The following DACT3 variants were observed in gnomAD, a reference collection of about 807,000 sequenced individuals.
DACT3 encodes dishevelled binding antagonist of beta catenin 3.
A neutral mutation model predicts 19.6 loss-of-function variants in DACT3; 5 were observed. That is an observed-to-expected ratio of 0.26 (90% CI 0.13 to 0.54). DACT3 has a LOEUF of 0.54. Ranked by LOEUF, DACT3 falls within the 20% of genes least tolerant of loss-of-function variation. The probability of loss-of-function intolerance (pLI) is 0.95; values close to 1 mark genes in which losing one functional copy is unlikely to be tolerated. For synonymous variants in DACT3, 454 were observed against 428.1 expected, an observed-to-expected ratio of 1.06 and a Z score of -0.75; for missense variants, 908 against 927.4, an observed-to-expected ratio of 0.98 and a Z score of 0.27.
At position 46,653,024 on chromosome 19, in the gene DACT3, T is replaced by C. The variant is rs2053002271; in HGVS notation, c.301A>G (p.Ser101Gly). The C allele has an allele frequency of 1.3e-6, 2 of 1,551,334 alleles. No homozygotes were observed. Among genetic ancestry groups the C allele is most frequent in the Admixed American group, 2.0e-5 (1 of 50,950 alleles). Residue 101 changes from serine to glycine, a missense_variant, in exon 2 of 4, where the codon AGC becomes GGC. Physicochemically the swap from Ser to Gly is moderately conservative, Grantham distance 56. Around this residue, in one of 2 missense-constraint regions of DACT3, gnomAD observed 252 missense variants for 325.6 expected, o/e 0.77. Transcript: ENST00000391916. ...WDLGQQLGDL[S>G]LESGGLEQES... is the part of the protein sequence containing the mutation. ...TGTTCCAGGCCCCCAGACTCCAGGC[T>C]CAGGTCTCCCAGCTGCTGTCCCAGG...
At position 46,649,382 on chromosome 19, in the gene DACT3, C is replaced by G. The variant is rs2052955583; in HGVS notation, c.990G>C (p.Ser330=). Residue 330 remains serine, a synonymous_variant, in exon 4 of 4, where the codon TCG becomes TCC. Coordinates refer to ENST00000391916, the MANE Select transcript of DACT3 (RefSeq NM_145056.3). ...LSRAWASSWE[S]EAAPEPAAPP... ...GCGCAGCGGGCTCGGGTGCCGCCTC[C>G]GACTCCCACGACGACGCCCAGGCGC... 20 of 1,279,424 alleles carry G rather than the reference C, an allele frequency of 1.6e-5. No homozygotes were observed. The highest frequency in any genetic ancestry group is 1.7e-5 in the Non-Finnish European group (17 of 1,005,428). 79.3% of individuals were successfully genotyped at this position (1,279,424 alleles called of 1,614,324 possible).
In DACT3 at chr19:46,660,641, C is replaced by G. The variant is rs902519424; in HGVS notation, c.249+175G>C. On this transcript the variant is annotated intron_variant, in intron 1 of 3. Coordinates refer to ENST00000391916, the MANE Select transcript of DACT3 (RefSeq NM_145056.3). This position sits in a 1 kb window ranked among gnomAD's most constrained non-coding sequence, Gnocchi z 4.9. ...AGTTCCCCCTCCCCCGATTTGGGGG[C>G]GGGGAGGCCAGGTCCGGCCCGCCGC... is the stretch of plus-strand genomic sequence containing the variant. 4.6e-5 allele frequency among the ~76,000 whole-genome samples: 7 copies of G among 152,220 alleles called. No homozygotes were observed. In the South Asian group the frequency reaches 8.3e-4, roughly 18 times the overall value.
Position 46,648,781 on chromosome 19 carries a change from G to GC in DACT3, c.1590dup (p.Pro531AlafsTer167). ...CCCGCAGGCCCCCGGCGTCCCAGGG[G>GC]CCCCAGGCGCCCAGCCGAGCACTCG... is the stretch of plus-strand genomic sequence containing the variant. On this transcript the variant is annotated frameshift_variant, in exon 4 of 4. Transcript: ENST00000391916. LOFTEE classifies it low-confidence loss of function (END_TRUNC). The surrounding 1 kb of genome is among the most constrained non-coding windows in gnomAD (Gnocchi z 5.1). 6.5e-7 allele frequency: 1 copy of GC among 1,547,452 alleles called. No individual in the cohort carries two copies.
rs1469066688 is a variant in DACT3 at position 46,648,717 on chromosome 19, GCGCTCGATT to G, written c.1646_1654del (p.Glu549_Ser551del). ...GAAGGCAGGCGATTCTCCCTCGCTG[GCGCTCGATT>G]CGCTCTCCCCGTAACCCCCGCCGAC... On this transcript the variant is annotated inframe_deletion, in exon 4 of 4. Coordinates refer to ENST00000391916, the MANE Select transcript of DACT3 (RefSeq NM_145056.3). This position sits in a 1 kb window ranked among gnomAD's most constrained non-coding sequence, Gnocchi z 5.1. 6.2e-7 allele frequency: 1 copy of G among 1,606,058 alleles called. No homozygotes were observed. Among genetic ancestry groups the G allele is most frequent in the African/African-American group, 1.3e-5 (1 of 74,878 alleles).
chr19:46,653,154 G>A, intron 1 of DACT3, 79 bp from the exon 2 acceptor site: 1 of 1,523,694 alleles, frequency 6.6e-7, no homozygotes, highest in Non-Finnish European at 8.8e-7. Flanking sequence ...CGAGCTCATG[G>A]GCAGAGTTTC....
At chr19:46,655,970 CACACATATATAT>C (rs2053031106) in intron 1 of DACT3, among the ~76,000 whole-genome samples, 1 of 149,972 alleles carries the variant, frequency 6.7e-6, no homozygotes, top group African/African-American at 2.4e-5. Context: ...TATATATATA[CACACATATATAT>C]ACACATATAT....
chr19:46,649,887 C>T lies in DACT3; in HGVS notation c.500-15G>A. On this transcript the variant is annotated splice_polypyrimidine_tract_variant and intron_variant, in intron 3 of 3. Transcript: ENST00000391916. ...ACTGGCGTCTCCTAGGGAAGGAAGG[C>T]CAAAAAAAAAAAAAAAAGAGAGAGT... 8.1e-7 allele frequency: 1 copy of T among 1,240,508 alleles called. No homozygotes were observed. The highest frequency in any genetic ancestry group is 9.9e-7 in the Non-Finnish European group (1 of 1,011,512). The allele number at this position is 1,240,508 out of a possible 1,614,324, so 76.8% of individuals were successfully genotyped here.
chr19:46,659,517 C>T, intron 1 of DACT3: 1 of 981,392 alleles, frequency 1.0e-6, no homozygotes. Context: ...CCCCACAATC[C>T]GTCTCTAACT....
rs781409294 is a variant in DACT3, at chr19:46,648,578, G to A, written c.1794C>T (p.Pro598=). 1 of 1,613,688 alleles carries A rather than the reference G, an allele frequency of 6.2e-7. No homozygotes were observed. Among genetic ancestry groups the A allele is most frequent in the Non-Finnish European group, 8.5e-7 (1 of 1,179,786 alleles). The change falls in exon 4 of 4, where the codon CCC becomes CCT. Residue 598 remains proline, a synonymous_variant. Transcript: ENST00000391916. The surrounding 1 kb of genome is among the most constrained non-coding windows in gnomAD (Gnocchi z 5.1). ...GGAGAGAPAG[P]AKVFVKIKAS... ...CTTTGATTTTCACGAAGACTTTGGC[G>A]GGGCCTGCGGGCGCCCCTGCACCTG...
intron 1 of DACT3, among the ~76,000 whole-genome samples, chr19:46,657,504 C>G: frequency 6.6e-6 from 1 of 151,566 alleles, no homozygotes; most frequent in Non-Finnish European, 1.5e-5. Context: ...CAGGTGCCCG[C>G]CACCACGCCC....
rs2053069420 is a variant in DACT3 at position 46,660,770 on chromosome 19, A to ATGTTG, written c.249+45_249+46insCAACA. On this transcript the variant is annotated intron_variant, in intron 1 of 3. Coordinates refer to ENST00000391916, the MANE Select transcript of DACT3 (RefSeq NM_145056.3). The surrounding 1 kb of genome is among the most constrained non-coding windows in gnomAD (Gnocchi z 4.9). ...GTCTGAGCATCCAACCGAGACAGAC[A>ATGTTG]GACACAGACGGGGGTGGAGGGACGG... The ATGTTG allele has an allele frequency of 7.0e-7, 1 of 1,436,810 alleles. No homozygotes were observed. Among genetic ancestry groups the ATGTTG allele is most frequent in the Non-Finnish European group, 9.1e-7 (1 of 1,099,800 alleles). The allele number at this position is 1,436,810 out of a possible 1,614,324, so 89.0% of individuals were successfully genotyped here.
rs1568693740 is a variant in DACT3, at chr19:46,649,081, G to A, written c.1291C>T (p.Leu431=). The change falls in exon 4 of 4, where the codon CTG becomes TTG. Residue 431 remains leucine, a synonymous_variant. Coordinates refer to ENST00000391916, the MANE Select transcript of DACT3 (RefSeq NM_145056.3). ...ASRSQSETSL[L]GRASAVPSGP... is the part of the protein sequence containing the mutation. ...GAAGGGACCGCGGAGGCGCGGCCCAGCAGGCTGGTCTCAGACTGGGAGCGC... is the reference window on the plus strand; with the variant it reads ...GAAGGGACCGCGGAGGCGCGGCCCAACAGGCTGGTCTCAGACTGGGAGCGC... 7.7e-7 allele frequency: 1 copy of A among 1,295,328 alleles called. No individual in the cohort carries two copies. Among genetic ancestry groups the A allele is most frequent in the South Asian group, 2.1e-5 (1 of 46,846 alleles). 80.2% of individuals were successfully genotyped at this position (1,295,328 alleles called of 1,614,324 possible). A position where few individuals can be genotyped will look rare whatever the true frequency, so the allele number is the denominator to read the frequency against.
At chr19:46,652,373 C>T (rs547187768) in intron 3 of DACT3, 25 of 446,270 alleles carry the variant, frequency 5.6e-5, no homozygotes, top group Admixed American at 1.1e-4. Flanking sequence ...TTTGTATAGA[C>T]GGGGTTTCAC....
chr19:46,654,966 C>T, intron 1 of DACT3: 6 of 985,338 alleles, frequency 6.1e-6, no homozygotes, highest in Non-Finnish European at 7.2e-6. Flanking sequence ...GAGATGCTCA[C>T]AGTGAAGTCA....
chr19:46,657,543 C>T (rs1599793373), intron 1 of DACT3, among the ~76,000 whole-genome samples: 1 of 150,642 alleles, frequency 6.6e-6, no homozygotes, highest in South Asian at 2.1e-4. Flanking sequence ...TTAGTAGAGA[C>T]GGGGTTCCAC....
chr19:46,655,873 A>G (rs1032761810), intron 1 of DACT3, among the ~76,000 whole-genome samples: 3 of 149,740 alleles, frequency 2.0e-5, no homozygotes, highest in African/African-American at 7.4e-5. Context: ...AGAGTTCAAG[A>G]CCAGCCTAGG....
chr19:46,654,912 G>T (rs2053021785), intron 1 of DACT3: 1 of 984,518 alleles, frequency 1.0e-6, no homozygotes, highest in South Asian at 4.7e-5. Flanking sequence ...ATTTGAGGAA[G>T]GTCAACAAAT....
chr19:46,659,472 C>T, intron 1 of DACT3: 4 of 982,832 alleles, frequency 4.1e-6, no homozygotes, highest in Non-Finnish European at 4.8e-6. Flanking sequence ...CCTTCCAAGC[C>T]GAGCCAGCTT....
Position 46,652,711 on chromosome 19 carries a change from C to T in DACT3, c.448G>A (p.Gly150Ser). The change falls in exon 3 of 4, where the codon GGT (glycine) becomes AGT (serine). Residue 150 changes from glycine to serine, a missense_variant. By Grantham distance (56) the Gly-to-Ser change is moderately conservative. Transcript: ENST00000391916. ...TAGATGCCCCGGGGCTCAGAGGGACCCAGGCGACCATAGGAGCTGGATCCA... is the reference window on the plus strand; with the variant it reads ...TAGATGCCCCGGGGCTCAGAGGGACTCAGGCGACCATAGGAGCTGGATCCA... ...FSGSSSYGRL[G>S]PSEPRGIYAS... The T allele has an allele frequency of 6.4e-7, 1 of 1,551,588 alleles. No homozygotes were observed. Among genetic ancestry groups the T allele is most frequent in the Non-Finnish European group, 8.7e-7 (1 of 1,146,994 alleles).
Sources: gnomAD v4.1 joint callset for allele counts (sites outside exome capture counted in the v4.1 genomes callset) on GRCh38, gnomAD v4.1.1 for gene constraint, gnomAD v4.1.1 regional missense constraint, Gnocchi (gnomAD v3.1) non-coding constraint, MANE v1.5 for transcripts, NCBI Gene and HGNC (gene_info 2026-07-23, HGNC 2026-07-21) for gene names.